RHBDD1: variants seen among roughly 807,000 people sequenced by gnomAD.
RHBDD1 encodes the protein rhomboid-related protein 4.
In RHBDD1, 38 loss-of-function variants were observed where a neutral mutation model predicts 36.3. That is an observed-to-expected ratio of 1.05 (90% confidence interval 0.81 to 1.37). The LOEUF is 1.37. Ranked by LOEUF, RHBDD1 falls within the 40% of genes most tolerant of loss-of-function variation. The pLI, the probability that RHBDD1 is intolerant of heterozygous loss-of-function variation, is 0.00. For synonymous variants in RHBDD1, 151 were observed against 136.5 expected (o/e 1.11, Z -0.74); for missense variants, 393 against 377.6 (o/e 1.04, Z -0.34).
rs532295426 is a variant in RHBDD1, at chr2:226,965,799, C to T, written c.857-29632C>T. 5.3e-5 allele frequency among the ~76,000 whole-genome samples: 8 copies of T among 151,970 alleles called. No individual in the cohort carries two copies. In the East Asian group the frequency reaches 1.4e-3, roughly 26 times the overall value. On this transcript the variant is annotated intron_variant, in intron 8 of 8. Coordinates refer to ENST00000392062, the MANE Select transcript of RHBDD1 (RefSeq NM_001167608.3). ...ATGTTTGAGAGGCTACAGAGGAGAC[C>T]CAGAGCCAGTAAGCAAGACATAGAG...
At chr2:226,886,579 G>A (rs547591402) in intron 5 of RHBDD1, among the ~76,000 whole-genome samples, 38 of 152,296 alleles carry the variant, frequency 2.5e-4, no homozygotes, top group African/African-American at 8.2e-4. Flanking sequence ...AAGATGACAA[G>A]ATTAGGCTAC....
chr2:226,805,092 C>T, the RHBDD1 span: 1 of 152,140 alleles, frequency 6.6e-6, no homozygotes, highest in African/African-American at 2.4e-5. Context: ...ATTATATTCT[C>T]ATTTTCTTGT....
At chr2:226,983,857 A>C (rs566168852) in intron 8 of RHBDD1, among the ~76,000 whole-genome samples, 2 of 152,370 alleles carry the variant, frequency 1.3e-5, no homozygotes, top group African/African-American at 4.8e-5. Flanking sequence ...TGAGAAAAAA[A>C]TAAAACAGGT....
intron 8 of RHBDD1, among the ~76,000 whole-genome samples, chr2:226,929,600 G>A (rs917731558): frequency 2.6e-5 from 4 of 152,058 alleles, no homozygotes; most frequent in Non-Finnish European, 5.9e-5. Context: ...AACAAGATAA[G>A]GATGCCCGCT....
intron 8 of RHBDD1, among the ~76,000 whole-genome samples, chr2:226,933,748 GT>G (rs1199496230): frequency 1.3e-5 from 2 of 152,072 alleles, no homozygotes; most frequent in African/African-American, 4.8e-5. Context: ...TAGCATTTAT[GT>G]TTTTTATAAG....
the RHBDD1 span, among the ~76,000 whole-genome samples, chr2:226,807,045 A>G: frequency 6.6e-6 from 1 of 152,328 alleles, no homozygotes; most frequent in African/African-American, 2.4e-5. Flanking sequence ...TGTCCCTACT[A>G]AGCAATGAAA....
chr2:226,995,663 G>C lies in RHBDD1; in HGVS notation c.*141G>C. 1 of 662,324 alleles carries C rather than the reference G, an allele frequency of 1.5e-6. No homozygotes were observed. The highest frequency in any genetic ancestry group is 1.8e-5 in the South Asian group (1 of 54,298). The allele number at this position is 662,324 out of a possible 1,614,324, so 41.0% of individuals were successfully genotyped here. A position where few individuals can be genotyped will look rare whatever the true frequency, so the allele number is the denominator to read the frequency against. ...GCTCCAGATCGCTCACATCACCTGG[G>C]ACAGTCCCATGGCCCCTATGAGTCA... On this transcript the variant is annotated 3_prime_UTR_variant, in exon 9 of 9. Coordinates refer to ENST00000392062, the MANE Select transcript of RHBDD1 (RefSeq NM_001167608.3).
At chr2:226,923,766 C>T (rs1426403286) in intron 8 of RHBDD1, among the ~76,000 whole-genome samples, 2 of 151,936 alleles carry the variant, frequency 1.3e-5, no homozygotes, top group African/African-American at 4.8e-5. Context: ...TTAATTCTTT[C>T]TTCTGCTTGG....
chr2:226,976,207 G>T (rs1917126), intron 8 of RHBDD1, among the ~76,000 whole-genome samples: 63,418 of 147,746 alleles, frequency 0.43, 13,693 homozygotes, highest in South Asian at 0.52. Flanking sequence ...GGGCAGTCCA[G>T]GTGTGGAGCT....
intron 8 of RHBDD1, among the ~76,000 whole-genome samples, chr2:226,993,624 T>C (rs1375677742): frequency 6.6e-6 from 1 of 152,180 alleles, no homozygotes; most frequent in Non-Finnish European, 1.5e-5. Context: ...TGGGGTGTTC[T>C]AGTCAGGAAG....
intron 8 of RHBDD1, among the ~76,000 whole-genome samples, chr2:226,917,418 T>TA (rs917128444): frequency 5.3e-5 from 8 of 151,934 alleles, no homozygotes; most frequent in Admixed American, 6.6e-5. Context: ...ATTTTTACTT[T>TA]AAAAAAAAGA....
chr2:226,944,541 C>T (rs1376074501), intron 8 of RHBDD1, among the ~76,000 whole-genome samples: 3 of 152,144 alleles, frequency 2.0e-5, no homozygotes, highest in African/African-American at 7.2e-5. Flanking sequence ...TCTTTCTCTG[C>T]TGTTTGCAGT....
chr2:226,916,879 T>G (rs1389748793), intron 8 of RHBDD1, among the ~76,000 whole-genome samples: 1 of 152,144 alleles, frequency 6.6e-6, no homozygotes, highest in African/African-American at 2.4e-5. Flanking sequence ...TACAGGTGTC[T>G]TTTTTGAAAG....
At chr2:226,810,620 G>A in the RHBDD1 span, among the ~76,000 whole-genome samples, 2 of 149,050 alleles carry the variant, frequency 1.3e-5, no homozygotes, top group African/African-American at 5.0e-5. Context: ...CTCATTAAGT[G>A]AAAGTGGAGC....
the RHBDD1 span, among the ~76,000 whole-genome samples, chr2:226,801,294 C>T: frequency 6.6e-6 from 1 of 152,020 alleles, no homozygotes; most frequent in Non-Finnish European, 1.5e-5. Flanking sequence ...GGTGGGATGG[C>T]CTGTTTTTCA....
the RHBDD1 span, among the ~76,000 whole-genome samples, chr2:226,825,467 A>G: frequency 1.3e-5 from 2 of 152,212 alleles, no homozygotes; most frequent in African/African-American, 4.8e-5. Flanking sequence ...AATACTCATA[A>G]TGAGTTAAAA....
At chr2:226,897,333 T>C (rs546561448) in intron 5 of RHBDD1, among the ~76,000 whole-genome samples, 1 of 151,614 alleles carries the variant, frequency 6.6e-6, no homozygotes, top group East Asian at 1.9e-4. Context: ...TCTGTCTGTC[T>C]GTCTGTCCAT....
At chr2:226,913,645 T>C (rs1048305838) in intron 7 of RHBDD1, among the ~76,000 whole-genome samples, 2 of 152,186 alleles carry the variant, frequency 1.3e-5, no homozygotes, top group African/African-American at 4.8e-5. Context: ...CGTCTCTTCT[T>C]TCTTGTTTTA....
At chr2:226,844,706 G>A (rs143335751) in intron 3 of RHBDD1, among the ~76,000 whole-genome samples, 1 of 152,180 alleles carries the variant, frequency 6.6e-6, no homozygotes, top group Non-Finnish European at 1.5e-5. Flanking sequence ...TGTGCCTCCT[G>A]GTTTAAAAAC....
Sources: allele counts gnomAD v4.1 joint callset (sites outside exome capture counted in the v4.1 genomes callset), GRCh38; gene constraint gnomAD v4.1.1; transcripts MANE v1.5; gene names NCBI Gene and HGNC (gene_info 2026-07-23, HGNC 2026-07-21).